CEACAM18: variants seen among roughly 807,000 people sequenced by gnomAD.
CEACAM18 encodes CEA cell adhesion molecule 18.
In CEACAM18, 33 loss-of-function variants were observed where a neutral mutation model predicts 34.3. The observed-to-expected ratio is 0.96, with a 90% CI of 0.73 to 1.29. The LOEUF (loss-of-function observed/expected upper bound fraction) is 1.29. Among genes scored for constraint, CEACAM18 ranks in the 50% most tolerant of loss-of-function variants. The probability of loss-of-function intolerance (pLI) is 0.00; values close to 1 mark genes in which losing one functional copy is unlikely to be tolerated. For synonymous variants in CEACAM18, 169 were observed against 180.9 expected, an observed-to-expected ratio of 0.93 and a Z score of 0.53; for missense variants, 474 against 485.0, an observed-to-expected ratio of 0.98 and a Z score of 0.21.
intron 1 of CEACAM18, 48 bp from the exon 2 acceptor site, chr19:51,480,284 TG>T: frequency 1.4e-6 from 2 of 1,423,452 alleles, no homozygotes; most frequent in Non-Finnish European, 1.9e-6. Flanking sequence ...TCAGCCAGTC[TG>T]AATCTCTTTG....
exon 3 of CEACAM18, chr19:51,481,550 C>G: frequency 6.2e-7 from 1 of 1,614,010 alleles, no homozygotes; most frequent in South Asian, 1.1e-5. Flanking sequence ...TTTCCCCAGA[C>G]GGCAAGACCC....
intron 5 of CEACAM18, among the ~76,000 whole-genome samples, chr19:51,486,277 G>C (rs1015301684): frequency 6.6e-6 from 1 of 152,036 alleles, no homozygotes; most frequent in Admixed American, 6.5e-5. Flanking sequence ...TGGTGATGGT[G>C]GTGCTAATGA....
At chr19:51,478,771 G>A in intron 1 of CEACAM18, 77 bp downstream of exon 1, 9 of 1,087,500 alleles carry the variant, frequency 8.3e-6, no homozygotes, top group Non-Finnish European at 1.1e-5. Context: ...CGGGGAGGGG[G>A]CTGGGACCAT....
intron 4 of CEACAM18, 139 bp downstream of exon 4, chr19:51,483,435 T>C: frequency 9.5e-7 from 1 of 1,057,242 alleles, no homozygotes; most frequent in Non-Finnish European, 1.4e-6. Flanking sequence ...CTCCCAGTTC[T>C]CTGAGGTCTG....
chr19:51,489,262 T>G (rs991105005), intron 5 of CEACAM18, among the ~76,000 whole-genome samples: 1 of 151,108 alleles, frequency 6.6e-6, no homozygotes, highest in Non-Finnish European at 1.5e-5. Flanking sequence ...CCCCCACATT[T>G]CACCAAGCTC....
At chr19:51,479,072 G>A (rs1382055147) in intron 1 of CEACAM18, among the ~76,000 whole-genome samples, 1 of 151,996 alleles carries the variant, frequency 6.6e-6, no homozygotes, top group Non-Finnish European at 1.5e-5. Context: ...ACCTCCCACT[G>A]GGTGCCCCAA....
At position 51,486,968 on chromosome 19, in the gene CEACAM18, C is replaced by T. The variant is rs889527967; in HGVS notation, c.1089+1846C>T. Among the ~76,000 whole-genome samples, 9 of 151,888 alleles carry T rather than the reference C, an allele frequency of 5.9e-5. 1 individual carries two copies. Among genetic ancestry groups the T allele is most frequent in the Admixed American group, 2.0e-4 (3 of 15,250 alleles). On this transcript the variant is annotated intron_variant, in intron 5 of 5. Coordinates refer to ENST00000396477, the Ensembl canonical transcript of CEACAM18. ...TGATCTCCTGACCTCGTGATCCGCC[C>T]GCCTCAGCATCCCAAAGTGCTGGGG...
Position 51,486,572 on chromosome 19 carries a change from A to AAGGAGAGCCCTCATCTCTC in CEACAM18, c.1089+1450_1089+1451insAGGAGAGCCCTCATCTCTC, listed in dbSNP as rs563624288. Among the ~76,000 whole-genome samples the AAGGAGAGCCCTCATCTCTC allele has an allele frequency of 4.5e-3, 689 of 152,098 alleles. 2 individuals are homozygous for AAGGAGAGCCCTCATCTCTC. Among genetic ancestry groups the AAGGAGAGCCCTCATCTCTC allele is most frequent in the Middle Eastern group, 0.027 (8 of 294 alleles). ...TCTAGGAAGGAGAGCCCTCATCTCT[A>AAGGAGAGCCCTCATCTCTC]GGGGCCAGTCTCCTTCACCTGAGAT... On this transcript the variant is annotated intron_variant, in intron 5 of 5. Coordinates refer to ENST00000396477, the Ensembl canonical transcript of CEACAM18.
chr19:51,479,228 T>C (rs1989865756), intron 1 of CEACAM18, among the ~76,000 whole-genome samples: 1 of 152,176 alleles, frequency 6.6e-6, no homozygotes, highest in Non-Finnish European at 1.5e-5. Flanking sequence ...TGTCCATACG[T>C]GAGGCCTAGA....
At chr19:51,490,489 T>C in intron 5 of CEACAM18, 98 bp from the exon 6 acceptor site, 1 of 1,041,610 alleles carries the variant, frequency 9.6e-7, no homozygotes, top group African/African-American at 1.6e-5. Context: ...GGCTTGGACT[T>C]GGTGGGAAGT....
chr19:51,480,722 C>T, intron 2 of CEACAM18, 42 bp downstream of exon 2: 3 of 1,520,668 alleles, frequency 2.0e-6, no homozygotes, highest in Non-Finnish European at 1.8e-6. Context: ...CCAAGGAGAG[C>T]TAGATGTGAC....
At chr19:51,485,058 G>A (rs771432656) in exon 5 of CEACAM18, 129 of 1,535,846 alleles carry the variant, frequency 8.4e-5, no homozygotes, top group Non-Finnish European at 1.1e-4. Flanking sequence ...CATGCTGACA[G>A]TGCTGGGTGG....
rs113751250 is a variant in CEACAM18, at chr19:51,488,492, G to A, written c.1090-2095G>A. Among the ~76,000 whole-genome samples the A allele has an allele frequency of 5.6e-3, 848 of 152,338 alleles. 8 individuals carry two copies. Among genetic ancestry groups the A allele is most frequent in the African/African-American group, 0.019 (786 of 41,578 alleles). ...TCAATGTTGTAGGCTCCTTTGCTAA[G>A]GGACCATGTAATAATCATAAATAGG... On this transcript the variant is annotated intron_variant, in intron 5 of 5. Coordinates refer to ENST00000396477, the Ensembl canonical transcript of CEACAM18.
chr19:51,486,884 AT>A (rs1372164782), intron 5 of CEACAM18, among the ~76,000 whole-genome samples: 3 of 147,216 alleles, frequency 2.0e-5, no homozygotes. Context: ...CACCTGGCTA[AT>A]TTTTTTGTTT....
chr19:51,487,389 C>A (rs1990022562), intron 5 of CEACAM18, among the ~76,000 whole-genome samples: 2 of 152,126 alleles, frequency 1.3e-5, no homozygotes, highest in South Asian at 4.1e-4. Context: ...GTGGGAGGAT[C>A]TCTTGAGCCC....
In CEACAM18 at chr19:51,486,571, T is replaced by TCGG. The variant is rs531024912; in HGVS notation, c.1089+1449_1089+1450insCGG. Reference sequence around the variant, plus strand: ...GTCTAGGAAGGAGAGCCCTCATCTCTAGGGGCCAGTCTCCTTCACCTGAGA... The same window carrying TCGG: ...GTCTAGGAAGGAGAGCCCTCATCTCTCGGAGGGGCCAGTCTCCTTCACCTGAGA... On this transcript the variant is annotated intron_variant, in intron 5 of 5. Coordinates refer to ENST00000396477, the Ensembl canonical transcript of CEACAM18. 4.5e-3 allele frequency among the ~76,000 whole-genome samples: 688 copies of TCGG among 152,196 alleles called. 2 individuals carry two copies. The highest frequency in any genetic ancestry group is 0.027 in the Middle Eastern group (8 of 294).
At chr19:51,487,011 C>T (rs561984884) in intron 5 of CEACAM18, among the ~76,000 whole-genome samples, 615 of 151,938 alleles carry the variant, frequency 4.0e-3, no homozygotes, top group African/African-American at 0.014. Context: ...CATAAGCCAC[C>T]GCGCCTGGCC....
chr19:51,490,128 C>T (rs1370937858), intron 5 of CEACAM18, among the ~76,000 whole-genome samples: 1 of 152,224 alleles, frequency 6.6e-6, no homozygotes, highest in African/African-American at 2.4e-5. Context: ...GGGCAAGTAA[C>T]ATCACCTCTC....
At chr19:51,486,648 G>T (rs1242003162) in intron 5 of CEACAM18, among the ~76,000 whole-genome samples, 3 of 151,934 alleles carry the variant, frequency 2.0e-5, no homozygotes, top group Non-Finnish European at 2.9e-5. Flanking sequence ...ATATGCCTAG[G>T]TGTCCTGCAG....
Sources: gnomAD v4.1 joint callset for allele counts (sites outside exome capture counted in the v4.1 genomes callset) on GRCh38, gnomAD v4.1.1 for gene constraint, MANE v1.5 for transcripts, NCBI Gene and HGNC (gene_info 2026-07-23, HGNC 2026-07-21) for gene names.